RTN4IP1: variants seen among roughly 807,000 people sequenced by gnomAD.
The protein encoded by RTN4IP1 is NAD(P)H oxidoreductase RTN4IP1, mitochondrial.
A neutral mutation model predicts 46.6 loss-of-function variants in RTN4IP1; 32 were observed. That is an observed-to-expected ratio of 0.69 (90% CI 0.52 to 0.92). RTN4IP1 has a LOEUF of 0.92. Among genes scored for constraint, RTN4IP1 ranks in the 40% least tolerant of loss-of-function variants. RTN4IP1 has a pLI of 0.00. For synonymous variants in RTN4IP1, 167 were observed against 161.8 expected, an observed-to-expected ratio of 1.03 and a Z score of -0.24; for missense variants, 424 against 485.8, an observed-to-expected ratio of 0.87 and a Z score of 1.20.
At chr6:106,595,266 T>C (rs1267413181) in intron 5 of RTN4IP1, among the ~76,000 whole-genome samples, 1 of 152,176 alleles carries the variant, frequency 6.6e-6, no homozygotes, top group Non-Finnish European at 1.5e-5. Flanking sequence ...CTCTGTATTT[T>C]CTGCAACTCG....
chr6:106,612,008 G>C (rs66579211), intron 4 of RTN4IP1, among the ~76,000 whole-genome samples: 21,360 of 152,170 alleles, frequency 0.14, 1,699 homozygotes, highest in African/African-American at 0.2. Context: ...TACTGGGAAT[G>C]TATCCCCCCA....
chr6:106,573,576 T>G (rs941437933), intron 8 of RTN4IP1, among the ~76,000 whole-genome samples: 2 of 152,340 alleles, frequency 1.3e-5, no homozygotes, highest in Admixed American at 1.3e-4. Flanking sequence ...CTCTAGAGAT[T>G]TCATCTCATT....
chr6:106,628,708 ATTTT>A, intron 1 of RTN4IP1, 36 bp downstream of exon 1: 3 of 1,560,006 alleles, frequency 1.9e-6, no homozygotes, highest in Non-Finnish European at 2.6e-6. Context: ...TATGAAAGTG[ATTTT>A]TTTAAAAAAG....
chr6:106,588,739 G>T (rs1182803950), intron 6 of RTN4IP1, among the ~76,000 whole-genome samples: 2 of 152,148 alleles, frequency 1.3e-5, no homozygotes, highest in African/African-American at 4.8e-5. Context: ...AAATTCATCT[G>T]GATGATGTCA....
At chr6:106,608,264 G>T (rs931876456) in intron 4 of RTN4IP1, among the ~76,000 whole-genome samples, 1 of 152,270 alleles carries the variant, frequency 6.6e-6, no homozygotes, top group Non-Finnish European at 1.5e-5. Flanking sequence ...TTTCACTCAA[G>T]GGGGAGCTAG....
chr6:106,598,636 C>T (rs1418824419), intron 5 of RTN4IP1, among the ~76,000 whole-genome samples: 6 of 152,164 alleles, frequency 3.9e-5, no homozygotes, highest in African/African-American at 1.2e-4. Context: ...TTTTCTCCCA[C>T]GTTGTAGGCT....
At chr6:106,587,578 T>C in intron 7 of RTN4IP1, 101 bp downstream of exon 7, 6 of 1,067,828 alleles carry the variant, frequency 5.6e-6, no homozygotes, top group Non-Finnish European at 8.3e-6. Flanking sequence ...GCAACCACCG[T>C]GCTATGCGGC....
At chr6:106,617,428 CT>C (rs1776382505) in intron 4 of RTN4IP1, among the ~76,000 whole-genome samples, 3 of 152,202 alleles carry the variant, frequency 2.0e-5, no homozygotes, top group Admixed American at 2.0e-4. Context: ...CTAATAAGGT[CT>C]AAAACTTTCC....
upstream of RTN4IP1, chr6:106,629,856 G>T (rs1776778914): frequency 2.1e-6 from 2 of 936,672 alleles, no homozygotes; most frequent in Non-Finnish European, 3.2e-6. Flanking sequence ...TCGATTCTTC[G>T]GGTGTACTCG....
At chr6:106,619,099 G>C (rs149152490) in intron 4 of RTN4IP1, 103 bp downstream of exon 4, 5 of 1,287,592 alleles carry the variant, frequency 3.9e-6, no homozygotes, top group Non-Finnish European at 5.5e-6. Flanking sequence ...AGCTCTGTTC[G>C]TGTAAATGAT....
intron 8 of RTN4IP1, among the ~76,000 whole-genome samples, chr6:106,576,984 C>G (rs1323565334): frequency 6.6e-6 from 1 of 152,178 alleles, no homozygotes; most frequent in African/African-American, 2.4e-5. Flanking sequence ...TATTCTGATG[C>G]TGGCTAAAAT....
chr6:106,599,095 G>C (rs534210555), intron 5 of RTN4IP1, among the ~76,000 whole-genome samples: 1 of 151,582 alleles, frequency 6.6e-6, no homozygotes, highest in Non-Finnish European at 1.5e-5. Flanking sequence ...GAAATAGTAG[G>C]TGACATTTCA....
intron 5 of RTN4IP1, among the ~76,000 whole-genome samples, chr6:106,599,842 T>G (rs1056397536): frequency 1.3e-5 from 2 of 152,112 alleles, no homozygotes; most frequent in Admixed American, 6.5e-5. Flanking sequence ...TGTCCTTTTT[T>G]TTTTTTTTAG....
chr6:106,597,671 T>C (rs1233622476), intron 5 of RTN4IP1, among the ~76,000 whole-genome samples: 8 of 151,966 alleles, frequency 5.3e-5, no homozygotes, highest in Admixed American at 3.3e-4. Context: ...GTAATTTGAA[T>C]TTTTTTCTGC....
chr6:106,629,942 C>G (rs1195505450), upstream of RTN4IP1, among the ~76,000 whole-genome samples: 2 of 152,014 alleles, frequency 1.3e-5, no homozygotes, highest in African/African-American at 4.8e-5. Flanking sequence ...GAAGCGGCTT[C>G]TCACCATTAG....
chr6:106,592,362 TTG>T, intron 5 of RTN4IP1, 62 bp from the exon 6 acceptor site: 1 of 1,542,638 alleles, frequency 6.5e-7, no homozygotes, highest in South Asian at 1.2e-5. Context: ...ACTGACTGCA[TTG>T]AAAAAAAAAT....
chr6:106,597,572 G>A (rs1775827961), intron 5 of RTN4IP1, among the ~76,000 whole-genome samples: 1 of 151,714 alleles, frequency 6.6e-6, no homozygotes, highest in Non-Finnish European at 1.5e-5. Context: ...CTGAATCGCT[G>A]AGCTCAAGCA....
chr6:106,610,986 C>T (rs1776208320), intron 4 of RTN4IP1, among the ~76,000 whole-genome samples: 1 of 151,330 alleles, frequency 6.6e-6, no homozygotes. Context: ...AAGCCCTCTA[C>T]AATCACAGTT....
At chr6:106,594,837 G>T (rs1775744251) in intron 5 of RTN4IP1, among the ~76,000 whole-genome samples, 1 of 151,994 alleles carries the variant, frequency 6.6e-6, no homozygotes, top group African/African-American at 2.4e-5. Context: ...GTCTCACTCT[G>T]TTGCCCAGGC....
Sources: allele counts gnomAD v4.1 joint callset (sites outside exome capture counted in the v4.1 genomes callset), GRCh38; gene constraint gnomAD v4.1.1; transcripts MANE v1.5; gene names NCBI Gene and HGNC (gene_info 2026-07-23, HGNC 2026-07-21).